Variants in STK32B observed in about 807,000 individuals in gnomAD.
The protein encoded by STK32B is serine/threonine kinase 32B.
STK32B carries 43 observed loss-of-function variants against 52.6 expected under a neutral mutation model. The ratio of observed to expected loss-of-function variants is 0.82; its 90% CI spans 0.64 to 1.05. The LOEUF is 1.05. STK32B is among the 50% of genes least tolerant of loss of function. The pLI, the probability that STK32B is intolerant of heterozygous loss-of-function variation, is 0.00. For missense variants in STK32B, 621 were observed against 534.6 expected, an observed-to-expected ratio of 1.16 and a Z score of -1.59; for synonymous variants, 238 against 204.3, an observed-to-expected ratio of 1.17 and a Z score of -1.41.
At chr4:5,049,546 C>T (rs189447196), upstream of STK32B, among the ~76,000 whole-genome samples, 8 of 152,092 alleles carry the variant, frequency 5.3e-5, no homozygotes, top group East Asian at 5.8e-4. Context: ...GAGGCAGGGG[C>T]GAGGGTCACA....
intron 3 of STK32B, among the ~76,000 whole-genome samples, chr4:5,260,575 T>C (rs1258048779): frequency 4.6e-5 from 7 of 152,128 alleles, no homozygotes; most frequent in African/African-American, 1.4e-4. Context: ...TACACTAGGC[T>C]ACTAACTTTG....
In STK32B at chr4:5,469,299, A is replaced by G. The variant is rs867842734; in HGVS notation, c.1106+1229A>G. 6.6e-6 allele frequency among the ~76,000 whole-genome samples: 1 copy of G among 152,226 alleles called. No individual in the cohort carries two copies. Among genetic ancestry groups the G allele is most frequent in the African/African-American group, 2.4e-5 (1 of 41,466 alleles). ...ACCGTTTTGGCTTTCAGCAGATGCT[A>G]ACAGCGCAGGAAACACGTGCTAAGG... On this transcript the variant is annotated intron_variant, in intron 11 of 11. Transcript: ENST00000282908. This position sits in a 1 kb window ranked among gnomAD's most constrained non-coding sequence, Gnocchi z 4.7.
chr4:5,219,237 G>C (rs571583230), intron 3 of STK32B, among the ~76,000 whole-genome samples: 42 of 152,306 alleles, frequency 2.8e-4, no homozygotes, highest in African/African-American at 9.9e-4. Flanking sequence ...TCTTGGGGCA[G>C]ATGCTGGCCT....
intron 3 of STK32B, among the ~76,000 whole-genome samples, chr4:5,238,289 ATTCC>A (rs1281541637): frequency 2.0e-5 from 3 of 151,878 alleles, no homozygotes; most frequent in Non-Finnish European, 4.4e-5. Flanking sequence ...GGTTGTAGGA[ATTCC>A]TTGGCTTGTG....
chr4:5,237,613 A>G (rs1724719235), intron 3 of STK32B, among the ~76,000 whole-genome samples: 1 of 152,188 alleles, frequency 6.6e-6, no homozygotes, highest in Non-Finnish European at 1.5e-5. Context: ...AAAAAGAGAA[A>G]TGGAAATCTG....
intron 1 of STK32B, among the ~76,000 whole-genome samples, chr4:5,074,605 A>G (rs1471683870): frequency 1.3e-5 from 2 of 152,112 alleles, no homozygotes; most frequent in African/African-American, 4.8e-5. Flanking sequence ...TATAGAAGCT[A>G]GCATGTGTAA....
intron 3 of STK32B, among the ~76,000 whole-genome samples, chr4:5,292,729 A>G (rs192932871): frequency 6.6e-6 from 1 of 152,096 alleles, no homozygotes; most frequent in Non-Finnish European, 1.5e-5. Flanking sequence ...TGCCTAGGCC[A>G]ATGTCCAGCA....
intron 6 of STK32B, among the ~76,000 whole-genome samples, chr4:5,430,354 A>C (rs1713469860): frequency 6.6e-6 from 1 of 152,118 alleles, no homozygotes; most frequent in South Asian, 2.1e-4. Context: ...TGATAAACCT[A>C]TTGGAAGCAT....
At chr4:5,295,882 C>T (rs550544132) in intron 3 of STK32B, among the ~76,000 whole-genome samples, 1 of 152,074 alleles carries the variant, frequency 6.6e-6, no homozygotes, top group East Asian at 1.9e-4. Flanking sequence ...TAGATCTTTC[C>T]CACTTTCTGA....
At chr4:5,060,578 T>C (rs1742180857) in intron 1 of STK32B, among the ~76,000 whole-genome samples, 1 of 138,246 alleles carries the variant, frequency 7.2e-6, no homozygotes, top group African/African-American at 2.6e-5. Flanking sequence ...AGATGGAGCC[T>C]TAGATCATTG....
chr4:5,180,523 C>T (rs1467541768), intron 3 of STK32B, among the ~76,000 whole-genome samples: 1 of 152,116 alleles, frequency 6.6e-6, no homozygotes, highest in Non-Finnish European at 1.5e-5. Flanking sequence ...TGATGGGGCC[C>T]TGGCCCCTCC....
chr4:5,301,291 C>T (rs1587725), intron 3 of STK32B, among the ~76,000 whole-genome samples: 51,285 of 151,920 alleles, frequency 0.34, 14,426 homozygotes, highest in African/African-American at 0.78. Context: ...TAGAAAGCAT[C>T]GGAAAGTGTT....
intron 3 of STK32B, among the ~76,000 whole-genome samples, chr4:5,202,963 G>A (rs1577187595): frequency 6.6e-6 from 1 of 152,142 alleles, no homozygotes; most frequent in Non-Finnish European, 1.5e-5. Flanking sequence ...CAATACCTTG[G>A]TTTGGGAAGC....
intron 7 of STK32B, among the ~76,000 whole-genome samples, chr4:5,454,176 C>A (rs1716289668): frequency 6.6e-6 from 1 of 152,206 alleles, no homozygotes; most frequent in Non-Finnish European, 1.5e-5. Context: ...GTCACCAGTT[C>A]ATCACAGGAG....
intron 1 of STK32B, among the ~76,000 whole-genome samples, chr4:5,064,201 T>A (rs1742321146): frequency 6.7e-6 from 1 of 149,236 alleles, no homozygotes; most frequent in South Asian, 2.1e-4. Flanking sequence ...GTTTATATTT[T>A]GTGTATAAAT....
intron 11 of STK32B, among the ~76,000 whole-genome samples, chr4:5,472,510 T>C (rs1014935000): frequency 1.3e-5 from 2 of 152,210 alleles, no homozygotes; most frequent in Non-Finnish European, 2.9e-5. Context: ...GAGACTTCCA[T>C]TGGGTTGAGA....
intron 3 of STK32B, among the ~76,000 whole-genome samples, chr4:5,182,627 A>G (rs1024277850): frequency 2.6e-5 from 4 of 151,658 alleles, no homozygotes; most frequent in East Asian, 1.9e-4. Context: ...ATGCCTGGCT[A>G]TTTGTATTTT....
At chr4:5,312,557 A>T (rs1231529546) in intron 3 of STK32B, among the ~76,000 whole-genome samples, 2 of 151,284 alleles carry the variant, frequency 1.3e-5, no homozygotes, top group East Asian at 3.9e-4. Flanking sequence ...TGTTCTTCCG[A>T]TAGTTTACTG....
At chr4:5,279,467 G>T (rs1240967340) in intron 3 of STK32B, among the ~76,000 whole-genome samples, 1 of 152,200 alleles carries the variant, frequency 6.6e-6, no homozygotes, top group African/African-American at 2.4e-5. Flanking sequence ...TGTGGCTATG[G>T]AGGGTACAAC....
Sources: gnomAD v4.1 joint callset for allele counts (sites outside exome capture counted in the v4.1 genomes callset) on GRCh38, gnomAD v4.1.1 for gene constraint, Gnocchi (gnomAD v3.1) non-coding constraint, MANE v1.5 for transcripts, NCBI Gene and HGNC (gene_info 2026-07-23, HGNC 2026-07-21) for gene names.